The following KIAA1328 variants were observed in gnomAD, a reference collection of about 807,000 sequenced individuals.
KIAA1328 encodes KIAA1328.
A neutral mutation model predicts 68.1 loss-of-function variants in KIAA1328; 52 were observed. That is an observed-to-expected ratio of 0.76 (90% CI 0.61 to 0.96). The LOEUF is 0.96. Ranked by LOEUF, KIAA1328 falls within the 40% of genes least tolerant of loss-of-function variation. KIAA1328 has a pLI of 0.00. For synonymous variants in KIAA1328, 232 were observed against 239.4 expected (o/e 0.97, Z 0.28); for missense variants, 641 against 677.6 (o/e 0.95, Z 0.60).
At chr18:36,919,245 T>C (rs1039340783) in intron 5 of KIAA1328, among the ~76,000 whole-genome samples, 3 of 152,234 alleles carry the variant, frequency 2.0e-5, no homozygotes, top group African/African-American at 2.4e-5. Context: ...AACTCTCTTA[T>C]GGTTATTGTT....
chr18:36,892,282 G>A (rs2048716280), intron 5 of KIAA1328, among the ~76,000 whole-genome samples: 1 of 152,082 alleles, frequency 6.6e-6, no homozygotes, highest in African/African-American at 2.4e-5. Flanking sequence ...TATCTTTCTG[G>A]CCCTTTAGAA....
intron 8 of KIAA1328, among the ~76,000 whole-genome samples, chr18:37,171,859 G>T (rs917359335): frequency 6.6e-6 from 1 of 152,022 alleles, no homozygotes; most frequent in East Asian, 1.9e-4. Context: ...CAGTGAGCTG[G>T]GATTGCACCA....
intron 7 of KIAA1328, among the ~76,000 whole-genome samples, chr18:37,138,167 T>G (rs1425148664): frequency 1.3e-5 from 2 of 152,228 alleles, no homozygotes; most frequent in African/African-American, 2.4e-5. Context: ...GTGCTGAGCA[T>G]TCTTTTATAC....
intron 7 of KIAA1328, among the ~76,000 whole-genome samples, chr18:37,115,439 A>G (rs889213550): frequency 2.0e-4 from 31 of 152,232 alleles, no homozygotes; most frequent in Admixed American, 3.9e-4. Context: ...ATAGATGCAG[A>G]ACAGGCCTTC....
At chr18:37,014,738 A>G (rs1158034425) in intron 6 of KIAA1328, among the ~76,000 whole-genome samples, 1 of 152,098 alleles carries the variant, frequency 6.6e-6, no homozygotes, top group Non-Finnish European at 1.5e-5. Context: ...CAAGGGGGAA[A>G]TCCATCCCCA....
chr18:36,932,613 C>T (rs1216724112), intron 5 of KIAA1328, among the ~76,000 whole-genome samples: 1 of 152,200 alleles, frequency 6.6e-6, no homozygotes, highest in African/African-American at 2.4e-5. Flanking sequence ...GGGAAGGTAG[C>T]TCCATAGCAT....
At chr18:36,840,391 T>G (rs1310304398) in intron 3 of KIAA1328, among the ~76,000 whole-genome samples, 1 of 152,152 alleles carries the variant, frequency 6.6e-6, no homozygotes, top group Non-Finnish European at 1.5e-5. Flanking sequence ...TGTGTGCTTT[T>G]TCTTAAAACT....
intron 6 of KIAA1328, among the ~76,000 whole-genome samples, chr18:37,031,006 A>G (rs1032807224): frequency 6.6e-6 from 1 of 152,216 alleles, no homozygotes; most frequent in Non-Finnish European, 1.5e-5. Context: ...TACAAAGGAC[A>G]TGAACTCATC....
chr18:36,961,406 A>G (rs2051665928), intron 6 of KIAA1328, among the ~76,000 whole-genome samples: 1 of 152,190 alleles, frequency 6.6e-6, no homozygotes, highest in African/African-American at 2.4e-5. Flanking sequence ...GATATTATCC[A>G]GGAGAACTTC....
At chr18:36,845,777 A>G (rs980069684) in intron 4 of KIAA1328, among the ~76,000 whole-genome samples, 3 of 151,762 alleles carry the variant, frequency 2.0e-5, no homozygotes, top group East Asian at 1.9e-4. Context: ...TAAACCATGC[A>G]TGTATGTTCA....
intron 6 of KIAA1328, among the ~76,000 whole-genome samples, chr18:36,980,952 T>G (rs1345497919): frequency 6.6e-6 from 1 of 152,202 alleles, no homozygotes; most frequent in East Asian, 1.9e-4. Context: ...TTAAACTTCT[T>G]ACTTTTGTGA....
At chr18:37,049,576 C>T (rs1466679120) in intron 6 of KIAA1328, among the ~76,000 whole-genome samples, 2 of 152,116 alleles carry the variant, frequency 1.3e-5, no homozygotes, top group East Asian at 3.8e-4. Context: ...GGCTAACCCT[C>T]CAAGGACAGC....
intron 9 of KIAA1328, among the ~76,000 whole-genome samples, chr18:37,220,248 G>A (rs1232347947): frequency 6.6e-6 from 1 of 152,160 alleles, no homozygotes; most frequent in Non-Finnish European, 1.5e-5. Flanking sequence ...TCTCTAGCAT[G>A]TTCTGTAACA....
At chr18:37,170,729 A>C (rs950399866) in intron 8 of KIAA1328, among the ~76,000 whole-genome samples, 1 of 152,200 alleles carries the variant, frequency 6.6e-6, no homozygotes, top group East Asian at 1.9e-4. Context: ...CATCTCGGAC[A>C]TAGATACTAG....
At chr18:37,055,063 T>C (rs1044300462) in intron 6 of KIAA1328, among the ~76,000 whole-genome samples, 3 of 152,182 alleles carry the variant, frequency 2.0e-5, no homozygotes, top group African/African-American at 7.2e-5. Context: ...CTATGGGAAC[T>C]AGAATAAGTT....
chr18:37,014,989 G>T (rs1321238941), intron 6 of KIAA1328, among the ~76,000 whole-genome samples: 2 of 152,120 alleles, frequency 1.3e-5, no homozygotes, highest in African/African-American at 2.4e-5. Context: ...TGCAACTTCT[G>T]CCTCCCGGGT....
At chr18:37,069,139 A>T (rs545703521) in intron 7 of KIAA1328, among the ~76,000 whole-genome samples, 6 of 152,146 alleles carry the variant, frequency 3.9e-5, no homozygotes, top group Non-Finnish European at 8.8e-5. Context: ...AATTACATAG[A>T]TTTTTAAATA....
chr18:37,180,482 T>A (rs768950779), intron 9 of KIAA1328, among the ~76,000 whole-genome samples: 3 of 152,202 alleles, frequency 2.0e-5, no homozygotes, highest in Non-Finnish European at 2.9e-5. Flanking sequence ...TCAGACAAAC[T>A]TACTTTAACA....
intron 5 of KIAA1328, among the ~76,000 whole-genome samples, chr18:36,905,672 G>A (rs1365246588): frequency 6.6e-6 from 1 of 152,008 alleles, no homozygotes; most frequent in African/African-American, 2.4e-5. Context: ...TTGTTCTACT[G>A]ACCACCTTCC....
Sources: allele counts gnomAD v4.1 joint callset (sites outside exome capture counted in the v4.1 genomes callset), GRCh38; gene constraint gnomAD v4.1.1; transcripts MANE v1.5; gene names NCBI Gene and HGNC (gene_info 2026-07-23, HGNC 2026-07-21).